The following MYO16 variants were observed in gnomAD, a reference collection of about 807,000 sequenced individuals.
MYO16 encodes unconventional myosin-XVI.
Under a neutral mutation model 205.3 loss-of-function variants are expected in MYO16, and 94 were observed. The observed-to-expected ratio is 0.46, with a 90% CI of 0.39 to 0.54. The LOEUF (loss-of-function observed/expected upper bound fraction) is 0.54. Among genes scored for constraint, MYO16 ranks in the 20% least tolerant of loss-of-function variants. The probability of loss-of-function intolerance (pLI) is 0.00; values close to 1 mark genes in which losing one functional copy is unlikely to be tolerated. For synonymous variants in MYO16, 988 were observed against 954.0 expected (o/e 1.04, Z -0.66); for missense variants, 2,315 against 2,387.5 (o/e 0.97, Z 0.63).
chr13:108,936,216 C>G (rs536645909), intron 16 of MYO16, among the ~76,000 whole-genome samples: 1 of 150,232 alleles, frequency 6.7e-6, no homozygotes, highest in Non-Finnish European at 1.5e-5. Flanking sequence ...CTTTTGTTAT[C>G]AGGGTGCTGC....
In MYO16 at chr13:108,841,394, A is replaced by G. The variant is rs148284993; in HGVS notation, c.1098-2949A>G. On this transcript the variant is annotated intron_variant, in intron 9 of 34. Coordinates refer to ENST00000457511, the MANE Select transcript of MYO16 (RefSeq NM_001198950.3). ...TAATGTACTTCAACTCATATACAGC[A>G]CTGTATACAAAAAGCAACTCACAAT... Among the ~76,000 whole-genome samples the G allele has an allele frequency of 2.4e-4, 36 of 152,340 alleles. No individual in the cohort carries two copies. In the East Asian group the frequency reaches 5.8e-3, roughly 24 times the overall value.
chr13:108,832,854 A>T lies in MYO16; in HGVS notation c.1097+9576A>T, dbSNP rs534770735. On this transcript the variant is annotated intron_variant, in intron 9 of 34. Transcript: ENST00000457511. ...CTTTTTAATCAAATATTACAACTAC[A>T]TTGTTAAATTCTACAGAATGTGTTT... Among the ~76,000 whole-genome samples, 28 of 152,254 alleles carry T rather than the reference A, an allele frequency of 1.8e-4. No homozygotes were observed. In the South Asian group the frequency reaches 5.8e-3, roughly 32 times the overall value.
intron 6 of MYO16, 82 bp downstream of exon 6, chr13:108,793,722 C>T (rs759868658): frequency 6.6e-6 from 9 of 1,363,554 alleles, no homozygotes; most frequent in African/African-American, 1.6e-5. Context: ...ATTAAATTAA[C>T]CTTTAAATAA....
intron 1 of MYO16, among the ~76,000 whole-genome samples, chr13:108,609,093 G>T (rs1007337146): frequency 2.0e-5 from 3 of 152,138 alleles, no homozygotes; most frequent in African/African-American, 7.2e-5. Flanking sequence ...CCATAGGCAG[G>T]TTCAGCTCCT....
the MYO16 span, among the ~76,000 whole-genome samples, chr13:108,573,605 G>T: frequency 1.3e-5 from 2 of 152,150 alleles, no homozygotes; most frequent in Non-Finnish European, 2.9e-5. Flanking sequence ...GTAGGATAAG[G>T]AGGTCAGTTT....
At chr13:108,812,215 G>A (rs1360546394) in intron 7 of MYO16, among the ~76,000 whole-genome samples, 1 of 151,774 alleles carries the variant, frequency 6.6e-6, no homozygotes, top group East Asian at 1.9e-4. Context: ...TCCTGTCCCT[G>A]TACAAGCACC....
At chr13:108,811,451 C>G (rs1887287989) in intron 7 of MYO16, among the ~76,000 whole-genome samples, 1 of 151,846 alleles carries the variant, frequency 6.6e-6, no homozygotes, top group Non-Finnish European at 1.5e-5. Context: ...ATGCTCATGG[C>G]TACCCAAGCC....
chr13:108,808,624 C>A (rs1398346054), intron 7 of MYO16, among the ~76,000 whole-genome samples: 1 of 151,970 alleles, frequency 6.6e-6, no homozygotes, highest in Non-Finnish European at 1.5e-5. Context: ...GAAATGGAAG[C>A]TTCTATCCAG....
the MYO16 span, among the ~76,000 whole-genome samples, chr13:108,568,196 G>A: frequency 6.6e-6 from 1 of 152,036 alleles, no homozygotes; most frequent in African/African-American, 2.4e-5. Context: ...ATAAATGTAG[G>A]TTTTCATTTA....
At chr13:108,931,735 T>A (rs1352336188) in intron 16 of MYO16, among the ~76,000 whole-genome samples, 1 of 152,220 alleles carries the variant, frequency 6.6e-6, no homozygotes, top group Non-Finnish European at 1.5e-5. Flanking sequence ...TCTGTGCATC[T>A]GTGTACATGG....
chr13:109,186,779 C>A (rs899154836), intron 34 of MYO16, among the ~76,000 whole-genome samples: 1 of 152,160 alleles, frequency 6.6e-6, no homozygotes, highest in East Asian at 1.9e-4. Context: ...AAACTTACAT[C>A]AAAATCATTT....
intron 27 of MYO16, among the ~76,000 whole-genome samples, chr13:109,069,673 G>A (rs116932856): frequency 0.012 from 1,817 of 152,152 alleles, 22 homozygotes; most frequent in South Asian, 0.033. Flanking sequence ...GAGGTCGGGG[G>A]AGTGCTAGCT....
chr13:108,998,368 G>T (rs1885104344), intron 21 of MYO16, among the ~76,000 whole-genome samples: 1 of 152,118 alleles, frequency 6.6e-6, no homozygotes. Flanking sequence ...CCAAGTTCCA[G>T]ACCCTGTTCT....
chr13:108,890,008 C>T (rs994690678), intron 14 of MYO16, among the ~76,000 whole-genome samples: 1 of 152,016 alleles, frequency 6.6e-6, no homozygotes, highest in Non-Finnish European at 1.5e-5. Context: ...CACCATTCAC[C>T]GCAGCCTCAA....
At chr13:109,022,483 TG>T (rs1205738776) in intron 23 of MYO16, among the ~76,000 whole-genome samples, 1 of 105,064 alleles carries the variant, frequency 9.5e-6, no homozygotes, top group East Asian at 2.6e-4. Context: ...TATATATTTA[TG>T]TTATATATAC....
rs140439150 is a variant in MYO16 at position 108,668,446 on chromosome 13, C to T, written c.292+2297C>T. On this transcript the variant is annotated intron_variant, in intron 2 of 34. Transcript: ENST00000457511. Reference sequence around the variant, plus strand: ...CTATTGCTACCAAAACAAATTATCACGAATTTAATAGTGACAAACAGCGTA... The same window carrying T: ...CTATTGCTACCAAAACAAATTATCATGAATTTAATAGTGACAAACAGCGTA... 5.5e-4 allele frequency among the ~76,000 whole-genome samples: 83 copies of T among 152,238 alleles called. 1 individual carries two copies. Among genetic ancestry groups the T allele is most frequent in the Middle Eastern group, 6.8e-3 (2 of 294 alleles).
At chr13:109,054,361 G>T in intron 25 of MYO16, 2 of 356,880 alleles carry the variant, frequency 5.6e-6, no homozygotes, top group East Asian at 1.8e-4. Flanking sequence ...GAGGAGGAAA[G>T]GGAAGAAAAA....
chr13:108,794,678 C>T (rs1886729723), intron 6 of MYO16, among the ~76,000 whole-genome samples: 1 of 152,050 alleles, frequency 6.6e-6, no homozygotes, highest in South Asian at 2.1e-4. Flanking sequence ...GAAATAAGAA[C>T]ATTTTGCCCT....
rs191133231 is a variant in MYO16 at position 108,757,448 on chromosome 13, A to C, written c.508-28187A>C. Among the ~76,000 whole-genome samples the C allele has an allele frequency of 3.0e-4, 46 of 152,296 alleles. 3 individuals are homozygous for C. In the East Asian group the frequency reaches 7.9e-3, roughly 26 times the overall value. Reference sequence around the variant, plus strand: ...CATCCAAAGACTTACAGTCATACTTAAAGTTGTTTTTATGACCAAGCTAGT... The same window carrying C: ...CATCCAAAGACTTACAGTCATACTTCAAGTTGTTTTTATGACCAAGCTAGT... On this transcript the variant is annotated intron_variant, in intron 4 of 34. Coordinates refer to ENST00000457511, the MANE Select transcript of MYO16 (RefSeq NM_001198950.3).
Sources: allele counts gnomAD v4.1 joint callset (sites outside exome capture counted in the v4.1 genomes callset), GRCh38; gene constraint gnomAD v4.1.1; transcripts MANE v1.5; gene names NCBI Gene and HGNC (gene_info 2026-07-23, HGNC 2026-07-21).